The following SYNCRIP variants were observed in gnomAD, a reference collection of about 807,000 sequenced individuals.
SYNCRIP encodes synaptotagmin binding cytoplasmic RNA interacting protein.
In SYNCRIP, 9 loss-of-function variants were observed where a neutral mutation model predicts 68.9. The observed-to-expected ratio is 0.13, with a 90% CI of 0.08 to 0.23. The LOEUF (loss-of-function observed/expected upper bound fraction) is 0.23, where lower values mean the gene tolerates loss of function less well. Among genes scored for constraint, SYNCRIP ranks in the 10% least tolerant of loss-of-function variants. SYNCRIP has a pLI of 1.00. For missense variants in SYNCRIP, 414 were observed against 770.6 expected, an observed-to-expected ratio of 0.54 and a Z score of 5.48; for synonymous variants, 258 against 254.0, an observed-to-expected ratio of 1.02 and a Z score of -0.15.
chr6:85,622,235 T>C (rs559434169), intron 8 of SYNCRIP, among the ~76,000 whole-genome samples: 10 of 151,798 alleles, frequency 6.6e-5, no homozygotes, highest in African/African-American at 1.9e-4. Flanking sequence ...ATTAGCCAGG[T>C]GTGGTGGTGG....
At chr6:85,609,742 G>A (rs1056570812), downstream of SYNCRIP, 2 of 151,888 alleles carry the variant, frequency 1.3e-5, no homozygotes, top group African/African-American at 4.8e-5. Flanking sequence ...ACAAAATCTT[G>A]CGTCTGTTTT....
downstream of SYNCRIP, chr6:85,611,064 G>A (rs567706067): frequency 6.6e-6 from 1 of 152,002 alleles, no homozygotes; most frequent in South Asian, 2.1e-4. Flanking sequence ...TACACTCTAT[G>A]TCCCAGCTAT....
rs879133125 is a variant in SYNCRIP at position 85,614,308 on chromosome 6, C to T, written c.*448G>A. 2.8e-5 allele frequency: 28 copies of T among 986,428 alleles called. No individual in the cohort carries two copies. In the South Asian group the frequency reaches 9.4e-4, roughly 33 times the overall value. The allele number at this position is 986,428 out of a possible 1,614,324, so 61.1% of individuals were successfully genotyped here. ...TGAAAACCCAAATTAGGTCAAAGTT[C>T]TAAATTAAAAATAGCAGTTGTGTAT... On this transcript the variant is annotated 3_prime_UTR_variant, in exon 11 of 11. Transcript: ENST00000369622.
intron 10 of SYNCRIP, among the ~76,000 whole-genome samples, chr6:85,617,990 C>G (rs988303398): frequency 2.6e-5 from 4 of 152,152 alleles, no homozygotes; most frequent in African/African-American, 9.7e-5. Context: ...TCATTACACA[C>G]CTACTTGTTT....
In SYNCRIP at chr6:85,637,331, G is replaced by A; in HGVS notation, c.401C>T (p.Thr134Ile). ...IKALLERTGY[T>I]LDVTTGQRKY... ...CCTCTGTCCAGTGGTCACATCAAGT[G>A]TGTAGCCTGTTCTTTCCAAGAGTGC... Residue 134 changes from threonine (T) to isoleucine (I), a missense_variant, in exon 5 of 11, where the codon ACA becomes ATA. Thr to Ile is a moderately conservative substitution (Grantham distance 89). Around this residue, in one of 6 missense-constraint regions of SYNCRIP, gnomAD observed 110 missense variants for 269.3 expected, o/e 0.41. Coordinates refer to ENST00000369622, the MANE Select transcript of SYNCRIP (RefSeq NM_006372.5). The A allele has an allele frequency of 6.2e-7, 1 of 1,613,170 alleles. No homozygotes were observed.
intron 6 of SYNCRIP, among the ~76,000 whole-genome samples, chr6:85,629,888 G>A (rs964912029): frequency 1.3e-5 from 2 of 151,558 alleles, no homozygotes; most frequent in Admixed American, 6.6e-5. Context: ...GGAGGCCGAG[G>A]CAGCAGAATC....
chr6:85,643,532 T>G (rs1293399185), upstream of SYNCRIP, among the ~76,000 whole-genome samples: 1 of 70,314 alleles, frequency 1.4e-5, no homozygotes, highest in East Asian at 2.9e-4. Context: ...CCCTCTCCCC[T>G]CCAGGCGGGG....
At chr6:85,632,342 G>T (rs909546315) in intron 6 of SYNCRIP, among the ~76,000 whole-genome samples, 9 of 152,130 alleles carry the variant, frequency 5.9e-5, no homozygotes, top group African/African-American at 2.2e-4. Context: ...CCAACATTTA[G>T]TTATATATAA....
At chr6:85,634,244 T>C (rs1156330886) in intron 6 of SYNCRIP, among the ~76,000 whole-genome samples, 1 of 152,040 alleles carries the variant, frequency 6.6e-6, no homozygotes, top group Non-Finnish European at 1.5e-5. Context: ...GCACTCGAAA[T>C]CACTGTTACT....
At chr6:85,617,597 A>C (rs1805931051) in intron 10 of SYNCRIP, among the ~76,000 whole-genome samples, 1 of 152,232 alleles carries the variant, frequency 6.6e-6, no homozygotes, top group South Asian at 2.1e-4. Context: ...GGATAATCAC[A>C]TAATCCAGAG....
Position 85,641,334 on chromosome 6 carries a change from G to A in SYNCRIP, c.106C>T (p.Pro36Ser). 1.2e-6 allele frequency: 2 copies of A among 1,612,164 alleles called. No homozygotes were observed. Among genetic ancestry groups the A allele is most frequent in the Non-Finnish European group, 1.7e-6 (2 of 1,179,990 alleles). ...NFQTLLDAGL[P>S]QKVAEKLDEI... ...TCTAGTTTTTCAGCAACTTTCTGTG[G>A]TAAACCAGCATCAAGCAATGTCTGA... The change falls in exon 2 of 11, where the codon CCA (proline) becomes TCA (serine). Residue 36 changes from proline to serine, a missense_variant. Pro to Ser is a moderately conservative substitution (Grantham distance 74). Around this residue, in one of 6 missense-constraint regions of SYNCRIP, gnomAD observed 51 missense variants for 63.7 expected, o/e 0.80. Transcript: ENST00000369622.
chr6:85,627,950 C>G (rs570516576), intron 6 of SYNCRIP, among the ~76,000 whole-genome samples: 1 of 152,200 alleles, frequency 6.6e-6, no homozygotes, highest in African/African-American at 2.4e-5. Flanking sequence ...ACCAAATTCC[C>G]AGAAATTCAG....
At chr6:85,637,525 T>C (rs1301323387) in intron 4 of SYNCRIP, among the ~76,000 whole-genome samples, 169 bp from the exon 5 acceptor site, 1 of 152,250 alleles carries the variant, frequency 6.6e-6, no homozygotes, top group Non-Finnish European at 1.5e-5. Flanking sequence ...GTGTACTTGT[T>C]ATACTCCTAA....
At chr6:85,615,432 T>C (rs1805661536) in intron 10 of SYNCRIP, 85 bp from the exon 11 acceptor site, 1 of 884,970 alleles carries the variant, frequency 1.1e-6, no homozygotes, top group Admixed American at 3.4e-5. Flanking sequence ...ACAGTTTAAA[T>C]CCAGAGTTTA....
At chr6:85,608,592 A>G (rs1805003310) in exon 12 of SYNCRIP, 1 of 152,116 alleles carries the variant, frequency 6.6e-6, no homozygotes, top group Non-Finnish European at 1.5e-5. Context: ...TGAAATAAAT[A>G]TAAATTCTAC....
At chr6:85,624,209 G>T (rs763595617) in intron 6 of SYNCRIP, 97 bp from the exon 7 acceptor site, 20 of 1,238,960 alleles carry the variant, frequency 1.6e-5, no homozygotes, top group Non-Finnish European at 2.2e-5. Flanking sequence ...CCTTTAAAAA[G>T]TAGTTTACCT....
intron 8 of SYNCRIP, among the ~76,000 whole-genome samples, chr6:85,622,016 C>A (rs187202133): frequency 6.7e-6 from 1 of 148,738 alleles, no homozygotes; most frequent in Admixed American, 6.6e-5. Context: ...ATTTCCAGTG[C>A]GCACTGCCTA....
chr6:85,637,537 T>C (rs1808599688), intron 4 of SYNCRIP, among the ~76,000 whole-genome samples, 181 bp from the exon 5 acceptor site: 1 of 152,240 alleles, frequency 6.6e-6, no homozygotes, highest in African/African-American at 2.4e-5. Context: ...TACTCCTAAA[T>C]TATTATCAGA....
downstream of SYNCRIP, chr6:85,610,939 T>C (rs550227915): frequency 3.9e-5 from 6 of 152,030 alleles, no homozygotes; most frequent in Non-Finnish European, 8.8e-5. Flanking sequence ...GAAAGTTTCA[T>C]TAAGCACCAG....
Sources: allele counts gnomAD v4.1 joint callset (sites outside exome capture counted in the v4.1 genomes callset), GRCh38; gene constraint gnomAD v4.1.1; regional missense constraint gnomAD v4.1.1; transcripts MANE v1.5; gene names NCBI Gene and HGNC (gene_info 2026-07-23, HGNC 2026-07-21).